Variants in NF2 observed in about 807,000 individuals in gnomAD.
NF2 encodes merlin.
In NF2, 8 loss-of-function variants were observed where a neutral mutation model predicts 83.7. The ratio of observed to expected loss-of-function variants is 0.10; its 90% CI spans 0.06 to 0.17. NF2 has a LOEUF of 0.17. Among genes scored for constraint, NF2 ranks in the 10% least tolerant of loss-of-function variants. NF2 has a pLI of 1.00. For synonymous variants in NF2, 266 were observed against 269.6 expected, an observed-to-expected ratio of 0.99 and a Z score of 0.13; for missense variants, 533 against 744.4, an observed-to-expected ratio of 0.72 and a Z score of 3.31.
At chr22:29,647,993 C>T (rs542789554) in intron 4 of NF2, among the ~76,000 whole-genome samples, 14 of 151,776 alleles carry the variant, frequency 9.2e-5, no homozygotes, top group Non-Finnish European at 1.9e-4. Context: ...TAGCTGGGTG[C>T]AGTGGTGGGC....
At position 29,698,099 on chromosome 22, in the gene NF2, G is replaced by A. The variant is rs944443173; in HGVS notation, c.*3297G>A. 2.2e-5 allele frequency: 5 copies of A among 230,976 alleles called. No individual in the cohort carries two copies. The highest frequency in any genetic ancestry group is 4.4e-5 in the African/African-American group (2 of 45,194). The allele number at this position is 230,976 out of a possible 1,614,324, so 14.3% of individuals were successfully genotyped here. The stretch of plus-strand genomic sequence containing the variant: ...CCGTGTGCAGCTGTGTGGCACAGAT[G>A]GCTTCGTTCATCCTGATCAAGGCCC... On this transcript the variant is annotated 3_prime_UTR_variant, in exon 16 of 16. Transcript: ENST00000338641.
intron 2 of NF2, among the ~76,000 whole-genome samples, chr22:29,638,840 T>TG (rs1242371953): frequency 2.0e-5 from 3 of 152,248 alleles, no homozygotes; most frequent in African/African-American, 7.2e-5. Context: ...CATTTATGCC[T>TG]TAATCCTAGC....
At position 29,668,485 on chromosome 22, in the gene NF2, T is replaced by TG. The variant is rs575986170; in HGVS notation, c.999+41dup. The TG allele has an allele frequency of 1.7e-5, 26 of 1,510,224 alleles. No individual in the cohort carries two copies. In the African/African-American group the frequency reaches 3.4e-4, roughly 20 times the overall value. The allele number at this position is 1,510,224 out of a possible 1,614,324, so 93.6% of individuals were successfully genotyped here. On this transcript the variant is annotated intron_variant, in intron 10 of 15. Transcript: ENST00000338641. The stretch of plus-strand genomic sequence containing the variant: ...TGTTTTAACTGATGATGTCACTGTG[T>TG]GGTCAGTCCTGGCCTGGGAGGCGAG...
At chr22:29,670,702 C>T (rs181776831) in intron 10 of NF2, among the ~76,000 whole-genome samples, 11 of 152,218 alleles carry the variant, frequency 7.2e-5, no homozygotes, top group African/African-American at 2.6e-4. Flanking sequence ...CAGTTAGTAC[C>T]CTGGGATCAC....
chr22:29,607,082 G>A (rs1459314679), intron 1 of NF2, among the ~76,000 whole-genome samples: 1 of 152,090 alleles, frequency 6.6e-6, no homozygotes, highest in South Asian at 2.1e-4. Flanking sequence ...CTGAGGTGGT[G>A]GATGTCCCTC....
intron 1 of NF2, among the ~76,000 whole-genome samples, chr22:29,623,508 G>C (rs2065269154): frequency 1.3e-5 from 2 of 152,122 alleles, no homozygotes; most frequent in South Asian, 4.1e-4. Context: ...GGACTTGCTG[G>C]GGGTTGGGAC....
At chr22:29,658,809 T>C (rs1002590076) in intron 7 of NF2, among the ~76,000 whole-genome samples, 2 of 152,114 alleles carry the variant, frequency 1.3e-5, no homozygotes, top group Non-Finnish European at 2.9e-5. Context: ...GATCTGGGCC[T>C]TTAGAATGTC....
intron 1 of NF2, among the ~76,000 whole-genome samples, chr22:29,633,592 C>T (rs1318900691): frequency 6.6e-6 from 1 of 152,198 alleles, no homozygotes; most frequent in African/African-American, 2.4e-5. Flanking sequence ...GAGCCTATGA[C>T]TCGTCTGCTC....
At chr22:29,614,159 C>T (rs888541800) in intron 1 of NF2, among the ~76,000 whole-genome samples, 6 of 151,652 alleles carry the variant, frequency 4.0e-5, no homozygotes, top group Admixed American at 6.6e-5. Flanking sequence ...AAAATTAACT[C>T]ATGGCTGGGC....
intron 4 of NF2, among the ~76,000 whole-genome samples, chr22:29,648,153 A>AATAAATAC (rs1189023765): frequency 1.3e-5 from 2 of 151,246 alleles, no homozygotes; most frequent in Non-Finnish European, 2.9e-5. Flanking sequence ...TAAATAAATA[A>AATAAATAC]ATAAATAAAT....
At chr22:29,638,672 C>G (rs562006814) in intron 2 of NF2, among the ~76,000 whole-genome samples, 2 of 152,046 alleles carry the variant, frequency 1.3e-5, no homozygotes, top group South Asian at 2.1e-4. Flanking sequence ...TATTCTATCA[C>G]GGACCTAAAT....
At chr22:29,662,596 T>C (rs918933040) in intron 8 of NF2, among the ~76,000 whole-genome samples, 2 of 152,228 alleles carry the variant, frequency 1.3e-5, no homozygotes, top group African/African-American at 4.8e-5. Context: ...ACAAATGTAG[T>C]CTTCCACATA....
intron 1 of NF2, among the ~76,000 whole-genome samples, chr22:29,631,717 C>T (rs2065516388): frequency 6.6e-6 from 1 of 152,156 alleles, no homozygotes; most frequent in Admixed American, 6.5e-5. Context: ...ACAATAACTA[C>T]CCCTTACTGA....
Position 29,639,345 on chromosome 22 carries a change from G to C in NF2, c.363+133G>C, listed in dbSNP as rs1332376381. 4 of 1,126,164 alleles carry C rather than the reference G, an allele frequency of 3.6e-6. No homozygotes were observed. The East Asian group carries it at 9.4e-5, about 26-fold the overall frequency. 69.8% of individuals were successfully genotyped at this position (1,126,164 alleles called of 1,614,324 possible). On this transcript the variant is annotated intron_variant, in intron 3 of 15. Transcript: ENST00000338641. ...TACCTCTGGAAGGTCAGCCCCTTTG[G>C]TTCTGTAATGGAAAAAAGGCTTCAG...
At chr22:29,608,172 CAAAA>C (rs570144418) in intron 1 of NF2, among the ~76,000 whole-genome samples, 1 of 31,706 alleles carries the variant, frequency 3.2e-5, no homozygotes, top group Admixed American at 6.1e-4. Flanking sequence ...GACTCTGTCT[CAAAA>C]AAAAAAAAAA....
intron 11 of NF2, 76 bp downstream of exon 11, chr22:29,672,024 A>G: frequency 6.2e-7 from 1 of 1,606,116 alleles, no homozygotes; most frequent in East Asian, 2.2e-5. Flanking sequence ...GGTCTCCTGA[A>G]AACCATGAGT....
In NF2 at chr22:29,636,942, C is replaced by A; in HGVS notation, c.240+66C>A. 1 of 1,609,936 alleles carries A rather than the reference C, an allele frequency of 6.2e-7. No homozygotes were observed. Among genetic ancestry groups the A allele is most frequent in the Non-Finnish European group, 8.5e-7 (1 of 1,177,692 alleles). ...GCTTTCCAGTTTTTCCCTGAGCAGG[C>A]GCCTAGCTCATCACTGGGGCGCTGT... On this transcript the variant is annotated intron_variant, in intron 2 of 15. Coordinates refer to ENST00000338641, the MANE Select transcript of NF2 (RefSeq NM_000268.4). The surrounding 1 kb of genome is among the most constrained non-coding windows in gnomAD (Gnocchi z 4.4).
chr22:29,604,459 C>T (rs375210522), intron 1 of NF2, among the ~76,000 whole-genome samples: 81 of 152,118 alleles, frequency 5.3e-4, no homozygotes, highest in African/African-American at 1.6e-3. Flanking sequence ...TTAGAAGTTG[C>T]GTCTTGTTTA....
At chr22:29,660,813 C>T (rs1309002032) in intron 7 of NF2, among the ~76,000 whole-genome samples, 5 of 152,208 alleles carry the variant, frequency 3.3e-5, no homozygotes, top group Non-Finnish European at 7.3e-5. Context: ...GTGAACCGCC[C>T]GCCTCGGCCT....
Sources: gnomAD v4.1 joint callset for allele counts (sites outside exome capture counted in the v4.1 genomes callset) on GRCh38, gnomAD v4.1.1 for gene constraint, Gnocchi (gnomAD v3.1) non-coding constraint, MANE v1.5 for transcripts, NCBI Gene and HGNC (gene_info 2026-07-23, HGNC 2026-07-21) for gene names.